NLRP3: variants seen among roughly 807,000 people sequenced by gnomAD.
NLRP3 encodes NACHT, LRR and PYD domains-containing protein 3.
Under a neutral mutation model 91.3 loss-of-function variants are expected in NLRP3, and 48 were observed. The ratio of observed to expected loss-of-function variants is 0.53; its 90% CI spans 0.42 to 0.67. The LOEUF is 0.67. Ranked by LOEUF, NLRP3 falls within the 30% of genes least tolerant of loss-of-function variation. NLRP3 has a pLI of 0.00. For missense variants in NLRP3, 982 were observed against 1,276.9 expected, an observed-to-expected ratio of 0.77 and a Z score of 3.52; for synonymous variants, 561 against 507.9, an observed-to-expected ratio of 1.10 and a Z score of -1.41.
At chr1:247,420,715 T>C (rs1023514705) in intron 2 of NLRP3, among the ~76,000 whole-genome samples, 2 of 146,722 alleles carry the variant, frequency 1.4e-5, no homozygotes, top group Non-Finnish European at 3.0e-5. Context: ...AGACCCTGTT[T>C]CAAAAAAAAA....
chr1:247,417,749 G>C (rs376035333), intron 1 of NLRP3, among the ~76,000 whole-genome samples: 2 of 152,176 alleles, frequency 1.3e-5, no homozygotes, highest in African/African-American at 4.8e-5. Flanking sequence ...GCCTCCCAAA[G>C]TGCTGGGATT....
intron 7 of NLRP3, among the ~76,000 whole-genome samples, chr1:247,442,664 G>A (rs1039023989): frequency 2.6e-5 from 4 of 152,158 alleles, no homozygotes; most frequent in African/African-American, 9.7e-5. Flanking sequence ...CCTGCTCTGT[G>A]GCCTTGAGAG....
Position 247,434,134 on chromosome 1 carries a change from T to G in NLRP3, c.2353T>G (p.Cys785Gly). The stretch of plus-strand genomic sequence containing the variant: ...GCGCTGTGGCCTCTCGCATGAGTGC[T>G]GCTTCGACATCTCCTTGGTCCTCAG... ...LGRCGLSHEC[C>G]FDISLVLSSN... is the part of the protein sequence containing the mutation. The change falls in exon 6 of 10, where the codon TGC becomes GGC. Residue 785 changes from cysteine (C) to glycine (G), a missense_variant. Physicochemically the swap from Cys to Gly is radical, Grantham distance 159 (BLOSUM62 -3). Transcript: ENST00000336119. 6.2e-7 allele frequency: 1 copy of G among 1,614,296 alleles called. No homozygotes were observed.
At chr1:247,423,777 G>A (rs1662643878) in intron 3 of NLRP3, 70 bp from the exon 4 acceptor site, 3 of 1,373,058 alleles carry the variant, frequency 2.2e-6, no homozygotes, top group African/African-American at 1.4e-5. Flanking sequence ...CCGATGACAG[G>A]CCCCAGCTGA....
rs1662785390 is a variant in NLRP3, at chr1:247,425,285, G to A, written c.1836G>A (p.Val612=). The part of the protein sequence containing the change: ...IRLELLKWIE[V]KAKAKKLQIQ... Reference sequence around the variant, plus strand: ...TGGAGCTGCTGAAATGGATTGAAGTGAAAGCCAAAGCTAAAAAGCTGCAGA... The same window carrying A: ...TGGAGCTGCTGAAATGGATTGAAGTAAAAGCCAAAGCTAAAAAGCTGCAGA... Residue 612 remains valine, a synonymous_variant, in exon 4 of 10, where the codon GTG becomes GTA. Transcript: ENST00000336119. This position sits in a 1 kb window ranked among gnomAD's most constrained non-coding sequence, Gnocchi z 4.1. The A allele has an allele frequency of 6.2e-7, 1 of 1,614,196 alleles. No homozygotes were observed. Among genetic ancestry groups the A allele is most frequent in the Non-Finnish European group, 8.5e-7 (1 of 1,180,040 alleles).
intron 6 of NLRP3, 38 bp from the exon 7 acceptor site, chr1:247,435,932 T>A: frequency 1.2e-6 from 2 of 1,607,910 alleles, no homozygotes; most frequent in Non-Finnish European, 1.7e-6. Context: ...GGAGCGTGGG[T>A]GAGAGACATG....
At chr1:247,417,107 G>T (rs1662116958) in intron 1 of NLRP3, among the ~76,000 whole-genome samples, 1 of 152,204 alleles carries the variant, frequency 6.6e-6, no homozygotes, top group Non-Finnish European at 1.5e-5. Context: ...GGTGAATGCT[G>T]CAGTGATACA....
intron 3 of NLRP3, 73 bp downstream of exon 3, chr1:247,423,422 T>C: frequency 1.3e-6 from 2 of 1,577,256 alleles, no homozygotes; most frequent in Non-Finnish European, 1.7e-6. Flanking sequence ...GCTGAGCAGC[T>C]GGGTAACTTG....
chr1:247,429,650 A>G lies in NLRP3; in HGVS notation c.2216A>G (p.Gln739Arg). The change falls in exon 5 of 10, where the codon CAG (glutamine) becomes CGG (arginine). Residue 739 changes from glutamine (Q) to arginine (R), a missense_variant. Physicochemically the swap from Gln to Arg is conservative, Grantham distance 43. Around this residue, in one of 5 missense-constraint regions of NLRP3, gnomAD observed 373 missense variants for 431.5 expected, o/e 0.86. Coordinates refer to ENST00000336119, the MANE Select transcript of NLRP3 (RefSeq NM_001243133.2). Reference protein sequence around the residue: ...RGLFSVLSTSQSLTELDLSDN... With the variant: ...RGLFSVLSTSRSLTELDLSDN... ...CTCTTTTCAGTTCTGAGCACCAGCC[A>G]GAGTCTAACTGAATTGGACCTCAGT... 6.2e-7 allele frequency: 1 copy of G among 1,614,214 alleles called. No individual in the cohort carries two copies. The highest frequency in any genetic ancestry group is 8.5e-7 in the Non-Finnish European group (1 of 1,180,042).
chr1:247,424,181 G>T lies in NLRP3; in HGVS notation c.732G>T (p.Gly244=). The T allele has an allele frequency of 6.2e-7, 1 of 1,614,096 alleles. No homozygotes were observed. The highest frequency in any genetic ancestry group is 8.5e-7 in the Non-Finnish European group (1 of 1,180,006). ...AGATGATGTTGGACTGGGCGTCGGGGACACTCTACCAAGACAGGTTTGACT... is the reference window on the plus strand; with the variant it reads ...AGATGATGTTGGACTGGGCGTCGGGTACACTCTACCAAGACAGGTTTGACT... ...ARKMMLDWAS[G]TLYQDRFDYL... Residue 244 remains glycine (G), a synonymous_variant, in exon 4 of 10, where the codon GGG becomes GGT. Transcript: ENST00000336119. This position sits in a 1 kb window ranked among gnomAD's most constrained non-coding sequence, Gnocchi z 8.1.
intron 1 of NLRP3, among the ~76,000 whole-genome samples, chr1:247,416,419 G>A (rs1214753034): frequency 6.6e-6 from 1 of 152,190 alleles, no homozygotes; most frequent in Non-Finnish European, 1.5e-5. Flanking sequence ...GGGGAGGACA[G>A]CGGCAGCAAC....
At chr1:247,417,564 C>A (rs1349098499) in intron 1 of NLRP3, among the ~76,000 whole-genome samples, 1 of 152,120 alleles carries the variant, frequency 6.6e-6, no homozygotes, top group Non-Finnish European at 1.5e-5. Context: ...TCATCGCAAC[C>A]TCCGCCTCCT....
At chr1:247,444,205 A>G in intron 8 of NLRP3, 63 bp downstream of exon 8, 1 of 1,517,866 alleles carries the variant, frequency 6.6e-7, no homozygotes. Context: ...AGGGACGTTT[A>G]GGCAGAGTGG....
chr1:247,425,532 GAAGGCCGACACCTTGATATGGTGC>G lies in NLRP3; in HGVS notation c.2085_2108del (p.Gly696_Gln703del). 6.2e-7 allele frequency: 1 copy of G among 1,613,708 alleles called. No homozygotes were observed. The highest frequency in any genetic ancestry group is 8.5e-7 in the Non-Finnish European group (1 of 1,180,024). ...CAAGGAGGAAGAGGAGGAGGAAAAGGAAGGCCGACACCTTGATATGGTGCAGTGTGTCCTCCCAAGCTCCTCTCA... is the reference window on the plus strand; with the variant it reads ...CAAGGAGGAAGAGGAGGAGGAAAAGGAGTGTGTCCTCCCAAGCTCCTCTCA... On this transcript the variant is annotated inframe_deletion, in exon 4 of 10. Coordinates refer to ENST00000336119, the MANE Select transcript of NLRP3 (RefSeq NM_001243133.2). This position sits in a 1 kb window ranked among gnomAD's most constrained non-coding sequence, Gnocchi z 4.1.
At chr1:247,433,775 C>T (rs534167769) in intron 5 of NLRP3, among the ~76,000 whole-genome samples, 3,309 of 93,060 alleles carry the variant, frequency 0.036, 260 homozygotes, top group Middle Eastern at 0.056. Flanking sequence ...TCAGGTGTGT[C>T]CTGATGCATT....
At chr1:247,434,972 C>T (rs998821004) in intron 6 of NLRP3, among the ~76,000 whole-genome samples, 1 of 152,136 alleles carries the variant, frequency 6.6e-6, no homozygotes, top group Non-Finnish European at 1.5e-5. Context: ...AGGAACTCAG[C>T]CAGGAGCGGT....
chr1:247,447,971 T>C (rs561487654), intron 9 of NLRP3, among the ~76,000 whole-genome samples: 17 of 152,050 alleles, frequency 1.1e-4, no homozygotes, highest in Admixed American at 9.8e-4. Context: ...CCCAACTAGA[T>C]AGTTAAAAAT....
At chr1:247,436,185 G>A in intron 7 of NLRP3, 45 bp downstream of exon 7, 1 of 1,598,142 alleles carries the variant, frequency 6.3e-7, no homozygotes, top group Non-Finnish European at 8.6e-7. Context: ...CTTCTTTTCA[G>A]AGGTGAATTA....
intron 4 of NLRP3, among the ~76,000 whole-genome samples, chr1:247,428,822 A>G (rs991353723): frequency 2.6e-5 from 4 of 152,004 alleles, no homozygotes; most frequent in Non-Finnish European, 4.4e-5. Context: ...AAATTTAAAA[A>G]ATTCATCTAG....
Sources: gnomAD v4.1 joint callset for allele counts (sites outside exome capture counted in the v4.1 genomes callset) on GRCh38, gnomAD v4.1.1 for gene constraint, gnomAD v4.1.1 regional missense constraint, Gnocchi (gnomAD v3.1) non-coding constraint, MANE v1.5 for transcripts, NCBI Gene and HGNC (gene_info 2026-07-23, HGNC 2026-07-21) for gene names.